Variants in ERICH3 observed in about 807,000 individuals in gnomAD.
ERICH3 encodes glutamate rich 3.
A neutral mutation model predicts 131.1 loss-of-function variants in ERICH3; 126 were observed. The observed-to-expected ratio is 0.96, with a 90% CI of 0.83 to 1.11. The LOEUF (loss-of-function observed/expected upper bound fraction) is 1.11, where lower values mean the gene tolerates loss of function less well. Ranked by LOEUF, ERICH3 falls within the 50% of genes most tolerant of loss-of-function variation. ERICH3 has a pLI of 0.00. For missense variants in ERICH3, 2,050 were observed against 1,810.7 expected (o/e 1.13, Z -2.40); for synonymous variants, 695 against 644.6 (o/e 1.08, Z -1.18).
chr1:74,624,444 T>A (rs1165174459), intron 7 of ERICH3: 1 of 152,240 alleles, frequency 6.6e-6, no homozygotes, highest in Non-Finnish European at 1.5e-5. Context: ...ACATTACACA[T>A]GTTCTTCCCT....
At chr1:74,619,185 C>T (rs1649106775) in intron 8 of ERICH3, among the ~76,000 whole-genome samples, 1 of 152,218 alleles carries the variant, frequency 6.6e-6, no homozygotes, top group Admixed American at 6.5e-5. Context: ...ATAACACTGA[C>T]TCAAGTGACA....
chr1:74,669,254 A>T lies in ERICH3; in HGVS notation c.23+4243T>A, dbSNP rs1172608724. On this transcript the variant is annotated intron_variant, in intron 1 of 14. Transcript: ENST00000326665. The stretch of plus-strand genomic sequence containing the variant: ...AGGTATAAACTAATAAGCCTAAACT[A>T]ACAAAAAATGCTTCTAAACCTTTGA... Among the ~76,000 whole-genome samples the T allele has an allele frequency of 2.0e-5, 3 of 152,200 alleles. No homozygotes were observed. In the South Asian group the frequency reaches 6.2e-4, roughly 31 times the overall value.
chr1:74,607,084 T>C (rs913235241), intron 9 of ERICH3, among the ~76,000 whole-genome samples, 182 bp from the exon 10 acceptor site: 2 of 152,056 alleles, frequency 1.3e-5, no homozygotes, highest in Admixed American at 6.6e-5. Flanking sequence ...ACTATTCTTT[T>C]TTGATACTAA....
rs140035915 is a variant in ERICH3, at chr1:74,585,659, T to G, written c.2176+3972A>C. ...GCTTTTATTCTAACTGAAAAATAAT[T>G]AAATACCATACAAATGTGGGACATG... On this transcript the variant is annotated intron_variant, in intron 12 of 14. Coordinates refer to ENST00000326665, the MANE Select transcript of ERICH3 (RefSeq NM_001002912.5). Among the ~76,000 whole-genome samples, 770 of 152,244 alleles carry G rather than the reference T, an allele frequency of 5.1e-3. 7 individuals are homozygous for G. The highest frequency in any genetic ancestry group is 9.7e-3 in the South Asian group (47 of 4,826).
intron 1 of ERICH3, among the ~76,000 whole-genome samples, chr1:74,669,583 T>C (rs1333280964): frequency 6.6e-6 from 1 of 152,078 alleles, no homozygotes; most frequent in Non-Finnish European, 1.5e-5. Flanking sequence ...AATTGTAATT[T>C]TCCACTCTAA....
In ERICH3 at chr1:74,571,374, G is replaced by A. The variant is rs1646941641; in HGVS notation, c.4336C>T (p.Gln1446Ter). The A allele has an allele frequency of 6.2e-7, 1 of 1,613,828 alleles. No homozygotes were observed. Among genetic ancestry groups the A allele is most frequent in the South Asian group, 1.1e-5 (1 of 91,074 alleles). The change falls in exon 14 of 15, where the codon CAG becomes TAG. Residue 1446 changes from glutamine (Q) to a stop codon, truncating the protein, a stop_gained. Transcript: ENST00000326665. LOFTEE classifies it high-confidence loss of function. ...ALERKTSGLG[Q>*]EQEEGSEGQE... ...CCCTCTGACCCTTCCTCTTGCTCCT[G>A]TCCTAGCCCTGAGGTCTTCCGCTCC...
intron 7 of ERICH3, chr1:74,622,435 TGCC>T (rs1649255303): frequency 6.6e-6 from 1 of 152,218 alleles, no homozygotes; most frequent in Non-Finnish European, 1.5e-5. Context: ...AAGGGGATGA[TGCC>T]AGGTCTGACT....
intron 1 of ERICH3, among the ~76,000 whole-genome samples, chr1:74,655,643 C>A (rs2100648581): frequency 6.6e-6 from 1 of 152,268 alleles, no homozygotes; most frequent in South Asian, 2.1e-4. Flanking sequence ...ATATTAATTC[C>A]ATCTGCAACT....
intron 1 of ERICH3, among the ~76,000 whole-genome samples, chr1:74,653,644 CT>C (rs1347226284): frequency 1.3e-5 from 2 of 152,096 alleles, no homozygotes; most frequent in African/African-American, 4.8e-5. Flanking sequence ...TGAACAATAT[CT>C]AACTATTACA....
At chr1:74,641,481 G>A in intron 4 of ERICH3, 22 bp from the exon 5 acceptor site, 3 of 1,605,772 alleles carry the variant, frequency 1.9e-6, no homozygotes, top group Non-Finnish European at 2.6e-6. Flanking sequence ...AAGCAATTTA[G>A]CAAATAGATG....
At chr1:74,608,083 T>C (rs906922234) in intron 9 of ERICH3, among the ~76,000 whole-genome samples, 3 of 151,944 alleles carry the variant, frequency 2.0e-5, no homozygotes, top group Non-Finnish European at 4.4e-5. Flanking sequence ...CTAGGCTCCA[T>C]CACATCATAC....
At chr1:74,660,922 G>A (rs1404625258) in intron 1 of ERICH3, among the ~76,000 whole-genome samples, 1 of 151,606 alleles carries the variant, frequency 6.6e-6, no homozygotes, top group Non-Finnish European at 1.5e-5. Flanking sequence ...AATGTGAATA[G>A]TACTATTTTA....
At chr1:74,582,161 A>T (rs1647192445) in intron 12 of ERICH3, among the ~76,000 whole-genome samples, 1 of 152,158 alleles carries the variant, frequency 6.6e-6, no homozygotes, top group Admixed American at 6.6e-5. Flanking sequence ...AGAACACTGA[A>T]CAATTAGAGG....
chr1:74,575,920 C>T (rs1295973061), intron 13 of ERICH3, among the ~76,000 whole-genome samples: 3 of 145,362 alleles, frequency 2.1e-5, no homozygotes, highest in African/African-American at 2.7e-5. Flanking sequence ...AGTATAAAAA[C>T]ATGACTTTTT....
intron 13 of ERICH3, among the ~76,000 whole-genome samples, chr1:74,575,390 T>A (rs542872993): frequency 1.6e-4 from 24 of 152,334 alleles, no homozygotes; most frequent in African/African-American, 5.5e-4. Context: ...TTACAGGTCA[T>A]CCTCTGCTTA....
At chr1:74,673,403 T>C in intron 1 of ERICH3, 94 bp downstream of exon 1, 1 of 1,492,956 alleles carries the variant, frequency 6.7e-7, no homozygotes, top group Non-Finnish European at 9.2e-7. Flanking sequence ...CGCTCCCCTC[T>C]CGCCCCTTCC....
Position 74,571,616 on chromosome 1 carries a change from G to A in ERICH3, c.4094C>T (p.Thr1365Ile). 1.2e-6 allele frequency: 2 copies of A among 1,614,138 alleles called. No homozygotes were observed. Among genetic ancestry groups the A allele is most frequent in the Middle Eastern group, 1.7e-4 (1 of 6,060 alleles). The part of the protein sequence containing the change: ...EEREVLAGSE[T>I]AEEKTIANKA... ...ATTTGCTATTGTTTTCTCCTCGGCT[G>A]TCTCCGAACCTGCCAACACCTCCCT... The change falls in exon 14 of 15, where the codon ACA (threonine) becomes ATA (isoleucine). Residue 1365 changes from threonine to isoleucine, a missense_variant. Thr to Ile is a moderately conservative substitution (Grantham distance 89). Transcript: ENST00000326665.
At chr1:74,603,739 T>G (rs1028442087) in intron 10 of ERICH3, among the ~76,000 whole-genome samples, 1 of 151,890 alleles carries the variant, frequency 6.6e-6, no homozygotes, top group East Asian at 1.9e-4. Context: ...TACAATAGCA[T>G]TATATCTAAA....
intron 5 of ERICH3, among the ~76,000 whole-genome samples, chr1:74,640,040 G>A (rs756005670): frequency 1.5e-4 from 23 of 152,114 alleles, no homozygotes; most frequent in Non-Finnish European, 3.1e-4. Context: ...CAGAGAGAAA[G>A]GTTTTTGAAG....
Sources: gnomAD v4.1 joint callset for allele counts (sites outside exome capture counted in the v4.1 genomes callset) on GRCh38, gnomAD v4.1.1 for gene constraint, MANE v1.5 for transcripts, NCBI Gene and HGNC (gene_info 2026-07-23, HGNC 2026-07-21) for gene names.